Variants in TENM4 observed in about 807,000 individuals in gnomAD.
TENM4 encodes teneurin transmembrane protein 4, also known as teneurin-4.
TENM4 carries 82 observed loss-of-function variants against 243.3 expected under a neutral mutation model. That is an observed-to-expected ratio of 0.34 (90% CI 0.28 to 0.40). The LOEUF is 0.40. Among genes scored for constraint, TENM4 ranks in the 10% least tolerant of loss-of-function variants. The probability of loss-of-function intolerance (pLI) is 1.00; values close to 1 mark genes in which losing one functional copy is unlikely to be tolerated. For missense variants in TENM4, 3,138 were observed against 3,673.3 expected, an observed-to-expected ratio of 0.85 and a Z score of 3.77; for synonymous variants, 1,412 against 1,456.3, an observed-to-expected ratio of 0.97 and a Z score of 0.69.
intron 2 of TENM4, among the ~76,000 whole-genome samples, chr11:79,241,445 C>T (rs1855415528): frequency 6.6e-6 from 1 of 152,074 alleles, no homozygotes; most frequent in Non-Finnish European, 1.5e-5. Flanking sequence ...GAGAATTCGT[C>T]ACTCTGAAGT....
chr11:79,172,643 G>A (rs1050116802), intron 3 of TENM4, among the ~76,000 whole-genome samples: 3 of 147,900 alleles, frequency 2.0e-5, no homozygotes, highest in Non-Finnish European at 4.5e-5. Flanking sequence ...CAGCAGGAGT[G>A]TTCTAATTCA....
At chr11:79,232,893 G>T (rs1864397329) in intron 2 of TENM4, among the ~76,000 whole-genome samples, 1 of 152,208 alleles carries the variant, frequency 6.6e-6, no homozygotes, top group African/African-American at 2.4e-5. Context: ...CCCTGCCCAT[G>T]GCACTCCCTT....
At chr11:79,032,274 G>A (rs140597958) in intron 6 of TENM4, among the ~76,000 whole-genome samples, 77 of 152,252 alleles carry the variant, frequency 5.1e-4, no homozygotes, top group African/African-American at 1.8e-3. Context: ...GAGGCGGGGG[G>A]CACCAGGCCG....
chr11:79,373,305 G>A (rs1200348306), intron 1 of TENM4, among the ~76,000 whole-genome samples: 1 of 134,124 alleles, frequency 7.5e-6, no homozygotes, highest in East Asian at 3.0e-4. Flanking sequence ...TGGCTGGCTG[G>A]CTGGCTGGCT....
intron 4 of TENM4, among the ~76,000 whole-genome samples, chr11:79,078,365 G>GTGTA (rs1860584088): frequency 6.6e-6 from 1 of 152,334 alleles, no homozygotes; most frequent in South Asian, 2.1e-4. Flanking sequence ...GTGTGTGTGT[G>GTGTA]TGTATGTGTA....
In TENM4 at chr11:78,676,160, G is replaced by A. The variant is rs1250643833; in HGVS notation, c.5488C>T (p.Arg1830Trp). The part of the protein sequence containing the change: ...ARGQVTVFGR[R>W]LRVHNRNLLS... ...CCAGAGGCCTCGCTCACCCGCAGCCGGCGCCCAAAGACAGTGACCTGGCCC... is the reference window on the plus strand; with the variant it reads ...CCAGAGGCCTCGCTCACCCGCAGCCAGCGCCCAAAGACAGTGACCTGGCCC... Residue 1830 changes from arginine (R) to tryptophan (W), a missense_variant, in exon 30 of 34, where the codon CGG (arginine) becomes TGG (tryptophan). Arg to Trp is a moderately radical substitution (Grantham distance 101, BLOSUM62 -3). This residue lies in a region of TENM4 where 2,467 missense variants were observed against 3,059.1 expected (regional missense o/e 0.81). Transcript: ENST00000278550. 1.3e-6 allele frequency: 2 copies of A among 1,512,488 alleles called. No homozygotes were observed. Among genetic ancestry groups the A allele is most frequent in the East Asian group, 2.5e-5 (1 of 40,236 alleles). 93.7% of individuals were successfully genotyped at this position (1,512,488 alleles called of 1,614,324 possible).
chr11:78,928,918 T>C (rs1288010635), intron 6 of TENM4, among the ~76,000 whole-genome samples: 1 of 152,224 alleles, frequency 6.6e-6, no homozygotes, highest in East Asian at 1.9e-4. Flanking sequence ...CATGAGCCAC[T>C]TCCTACAGTT....
chr11:79,362,366 T>A (rs1590910453), intron 1 of TENM4, among the ~76,000 whole-genome samples: 1 of 152,196 alleles, frequency 6.6e-6, no homozygotes, highest in East Asian at 1.9e-4. Flanking sequence ...CACCATCTAA[T>A]AGGTACTGTA....
At chr11:79,064,360 G>A (rs1860183049) in intron 6 of TENM4, among the ~76,000 whole-genome samples, 1 of 152,166 alleles carries the variant, frequency 6.6e-6, no homozygotes, top group African/African-American at 2.4e-5. Flanking sequence ...AGCACCTGGA[G>A]CTAGAGATGG....
At chr11:79,168,531 G>A (rs1246139820) in intron 3 of TENM4, among the ~76,000 whole-genome samples, 1 of 152,186 alleles carries the variant, frequency 6.6e-6, no homozygotes, top group Non-Finnish European at 1.5e-5. Context: ...AGGAGAGAAA[G>A]CTAGACACAT....
At chr11:79,318,798 A>G (rs919402842) in intron 1 of TENM4, among the ~76,000 whole-genome samples, 8 of 152,228 alleles carry the variant, frequency 5.3e-5, no homozygotes, top group African/African-American at 1.7e-4. Context: ...ACTAGCTCAC[A>G]GAATTCCTGA....
intron 1 of TENM4, among the ~76,000 whole-genome samples, chr11:79,412,200 G>A (rs566741418): frequency 6.6e-6 from 1 of 152,194 alleles, no homozygotes; most frequent in Non-Finnish European, 1.5e-5. Flanking sequence ...AAGCCCAAGA[G>A]CATTCTCAAG....
chr11:78,949,666 G>C (rs944774958), intron 6 of TENM4, among the ~76,000 whole-genome samples: 9 of 152,328 alleles, frequency 5.9e-5, no homozygotes, highest in African/African-American at 1.9e-4. Flanking sequence ...GATCAGAGGG[G>C]CTCAAGAAGT....
intron 1 of TENM4, among the ~76,000 whole-genome samples, chr11:79,428,213 T>C (rs1251219215): frequency 6.6e-6 from 1 of 152,224 alleles, no homozygotes; most frequent in African/African-American, 2.4e-5. Context: ...ATGGTACCTA[T>C]GCACATTAAA....
chr11:79,213,130 G>A (rs1590799046), intron 3 of TENM4, among the ~76,000 whole-genome samples: 2 of 152,178 alleles, frequency 1.3e-5, no homozygotes, highest in South Asian at 4.1e-4. Context: ...GTGAGTGCAT[G>A]AAAAGTGAGC....
intron 4 of TENM4, among the ~76,000 whole-genome samples, chr11:79,071,556 A>C (rs1428081225): frequency 6.6e-6 from 1 of 152,178 alleles, no homozygotes; most frequent in African/African-American, 2.4e-5. Flanking sequence ...TGACTTTAAA[A>C]TGTTGATCCA....
chr11:78,879,134 G>A (rs1341573615), intron 9 of TENM4, among the ~76,000 whole-genome samples: 1 of 151,290 alleles, frequency 6.6e-6, no homozygotes, highest in Non-Finnish European at 1.5e-5. Flanking sequence ...TCTGGGAAGT[G>A]AGGAGCACCT....
intron 1 of TENM4, among the ~76,000 whole-genome samples, chr11:79,373,543 TAGTC>T (rs1376306101): frequency 6.6e-6 from 1 of 152,012 alleles, no homozygotes; most frequent in Non-Finnish European, 1.5e-5. Flanking sequence ...GGTGGATGGA[TAGTC>T]AGGAGGCATT....
At chr11:78,677,622 T>G (rs1858513359) in intron 29 of TENM4, among the ~76,000 whole-genome samples, 1 of 150,048 alleles carries the variant, frequency 6.7e-6, no homozygotes, top group Non-Finnish European at 1.5e-5. Context: ...AGGTGAAAAA[T>G]AACTTTGACA....
Sources: gnomAD v4.1 joint callset for allele counts (sites outside exome capture counted in the v4.1 genomes callset) on GRCh38, gnomAD v4.1.1 for gene constraint, gnomAD v4.1.1 regional missense constraint, MANE v1.5 for transcripts, NCBI Gene and HGNC (gene_info 2026-07-23, HGNC 2026-07-21) for gene names.